The following SAE1 variants were observed in gnomAD, a reference collection of about 807,000 sequenced individuals.
SAE1 encodes the protein SUMO1 activating enzyme subunit 1.
In SAE1, 11 loss-of-function variants were observed where a neutral mutation model predicts 40.6. The ratio of observed to expected loss-of-function variants is 0.27; its 90% CI spans 0.17 to 0.45. The LOEUF (loss-of-function observed/expected upper bound fraction) is 0.45, where lower values mean the gene tolerates loss of function less well. SAE1 is among the 20% of genes least tolerant of loss of function. SAE1 has a pLI of 1.00. For missense variants in SAE1, 373 were observed against 427.3 expected, an observed-to-expected ratio of 0.87 and a Z score of 1.12; for synonymous variants, 155 against 154.3, an observed-to-expected ratio of 1.00 and a Z score of -0.03.
intron 6 of SAE1, among the ~76,000 whole-genome samples, chr19:47,177,021 T>G (rs1403616838): frequency 2.0e-5 from 3 of 152,164 alleles, no homozygotes; most frequent in African/African-American, 7.2e-5. Flanking sequence ...ACATACAGGT[T>G]TAGCCTAGAG....
chr19:47,204,502 C>CG (rs1442600404), intron 8 of SAE1, among the ~76,000 whole-genome samples: 1 of 137,754 alleles, frequency 7.3e-6, no homozygotes, highest in African/African-American at 2.8e-5. Flanking sequence ...CCAGCCGCAC[C>CG]CCCCCCCTTT....
intron 5 of SAE1, among the ~76,000 whole-genome samples, chr19:47,167,118 A>AT (rs942581510): frequency 2.6e-5 from 4 of 151,562 alleles, no homozygotes; most frequent in African/African-American, 7.3e-5. Flanking sequence ...CACCCAGCTA[A>AT]TTTTTTTGTA....
intron 4 of SAE1, 69 bp from the exon 5 acceptor site, chr19:47,155,045 G>A (rs2123217468): frequency 1.0e-6 from 1 of 983,614 alleles, no homozygotes; most frequent in South Asian, 1.3e-5. Context: ...GACCTGGAGA[G>A]GCTTTTTTTG....
intron 7 of SAE1, among the ~76,000 whole-genome samples, chr19:47,201,033 ATTTTTTTAT>A (rs1568610743): frequency 1.4e-5 from 2 of 145,958 alleles, no homozygotes; most frequent in African/African-American, 2.6e-5. Flanking sequence ...ATTTTTTTTT[ATTTTTTTAT>A]TTTTTTTATT....
intron 6 of SAE1, among the ~76,000 whole-genome samples, chr19:47,173,478 G>T (rs184443341): frequency 4.6e-5 from 7 of 152,206 alleles, no homozygotes; most frequent in Admixed American, 3.9e-4. Flanking sequence ...TCAGTTCAAT[G>T]ACCCCTGTGA....
chr19:47,195,928 C>G (rs1188899241), intron 6 of SAE1, among the ~76,000 whole-genome samples: 2 of 149,174 alleles, frequency 1.3e-5, no homozygotes, highest in Non-Finnish European at 3.0e-5. Context: ...GCAGTGAGGT[C>G]TCACTATGTT....
At chr19:47,132,190 G>T (rs1260880972) in intron 1 of SAE1, among the ~76,000 whole-genome samples, 2 of 150,120 alleles carry the variant, frequency 1.3e-5, no homozygotes, top group Non-Finnish European at 3.0e-5. Context: ...CTCAAACTCC[G>T]GACCTCAAGT....
intron 4 of SAE1, among the ~76,000 whole-genome samples, chr19:47,153,948 T>C (rs2058303892): frequency 6.6e-6 from 1 of 152,034 alleles, no homozygotes; most frequent in African/African-American, 2.4e-5. Flanking sequence ...TGCGTCACCA[T>C]GCCTGGCTAA....
chr19:47,142,006 A>G (rs1186308291), intron 1 of SAE1, among the ~76,000 whole-genome samples: 1 of 152,142 alleles, frequency 6.6e-6, no homozygotes, highest in Admixed American at 6.6e-5. Flanking sequence ...TCTGCTTCCT[A>G]CTGACCTCAG....
chr19:47,200,626 G>A (rs2058647565), intron 7 of SAE1, among the ~76,000 whole-genome samples: 1 of 151,988 alleles, frequency 6.6e-6, no homozygotes, highest in South Asian at 2.1e-4. Context: ...CTTCTGCCTT[G>A]GCTTTCCAAA....
At chr19:47,139,755 A>AT (rs780524600) in intron 1 of SAE1, among the ~76,000 whole-genome samples, 2,021 of 125,108 alleles carry the variant, frequency 0.016, 35 homozygotes, top group African/African-American at 0.04. Context: ...CTCCCGGCCA[A>AT]TTTTTTTTTT....
intron 6 of SAE1, among the ~76,000 whole-genome samples, chr19:47,189,264 A>C (rs1251979685): frequency 1.3e-5 from 2 of 152,182 alleles, no homozygotes; most frequent in Non-Finnish European, 2.9e-5. Flanking sequence ...CCATAAAGTG[A>C]GCCAACCTGG....
chr19:47,180,090 T>C, intron 6 of SAE1: 1 of 434,890 alleles, frequency 2.3e-6, no homozygotes, highest in Non-Finnish European at 4.7e-6. Context: ...TACGTAGATG[T>C]AGTAATAGAT....
chr19:47,177,937 C>T (rs2058480589), intron 6 of SAE1, among the ~76,000 whole-genome samples: 1 of 152,136 alleles, frequency 6.6e-6, no homozygotes, highest in East Asian at 1.9e-4. Flanking sequence ...TAGTGGTTTC[C>T]CTATTGATAG....
chr19:47,198,237 G>C (rs762742305), intron 7 of SAE1, among the ~76,000 whole-genome samples: 3 of 152,110 alleles, frequency 2.0e-5, no homozygotes, highest in Non-Finnish European at 4.4e-5. Flanking sequence ...AGCCTTTTGA[G>C]TAGCTGGGAT....
At chr19:47,208,169 T>G (rs1313464709) in intron 8 of SAE1, among the ~76,000 whole-genome samples, 2 of 152,194 alleles carry the variant, frequency 1.3e-5, no homozygotes, top group East Asian at 1.9e-4. Flanking sequence ...CTTTCTCAGT[T>G]GAATAGTCAT....
chr19:47,150,651 C>T (rs1228617989), intron 3 of SAE1, among the ~76,000 whole-genome samples: 1 of 152,196 alleles, frequency 6.6e-6, no homozygotes, highest in Non-Finnish European at 1.5e-5. Context: ...CAGGTTTCGT[C>T]TTTGGTGTTT....
intron 6 of SAE1, among the ~76,000 whole-genome samples, chr19:47,190,995 A>G (rs576582546): frequency 2.6e-5 from 4 of 152,334 alleles, no homozygotes; most frequent in East Asian, 3.9e-4. Context: ...TTTGGATTCC[A>G]TTAGGGTTAA....
At position 47,181,162 on chromosome 19, in the gene SAE1, C is replaced by G. The variant is rs182363703; in HGVS notation, c.733+11239C>G. 7.8e-4 allele frequency among the ~76,000 whole-genome samples: 118 copies of G among 151,760 alleles called. 1 individual carries two copies. The highest frequency in any genetic ancestry group is 1.5e-3 in the Non-Finnish European group (103 of 67,908). Reference sequence around the variant, plus strand: ...AGAAACCCCATCTCTACTAAAAATACAAAATTAGCCAGGCGTGGTGGTGCA... The same window carrying G: ...AGAAACCCCATCTCTACTAAAAATAGAAAATTAGCCAGGCGTGGTGGTGCA... On this transcript the variant is annotated intron_variant, in intron 6 of 8. Transcript: ENST00000270225.
Sources: gnomAD v4.1 joint callset for allele counts (sites outside exome capture counted in the v4.1 genomes callset) on GRCh38, gnomAD v4.1.1 for gene constraint, MANE v1.5 for transcripts, NCBI Gene and HGNC (gene_info 2026-07-23, HGNC 2026-07-21) for gene names.